The following ARSJ variants were observed in gnomAD, a reference collection of about 807,000 sequenced individuals.
The protein encoded by ARSJ is arylsulfatase family member J.
In ARSJ, 26 loss-of-function variants were observed where a neutral mutation model predicts 35.9. The observed-to-expected ratio is 0.72, with a 90% confidence interval of 0.53 to 1.00. The LOEUF (loss-of-function observed/expected upper bound fraction) is 1.00, where lower values mean the gene tolerates loss of function less well. Ranked by LOEUF, ARSJ falls within the 50% of genes least tolerant of loss-of-function variation. The pLI, the probability that ARSJ is intolerant of heterozygous loss-of-function variation, is 0.00. For synonymous variants in ARSJ, 294 were observed against 267.6 expected (o/e 1.10, Z -0.96); for missense variants, 667 against 723.6 (o/e 0.92, Z 0.90).
chr4:113,920,693 C>T (rs139033695), intron 1 of ARSJ, among the ~76,000 whole-genome samples: 316 of 152,172 alleles, frequency 2.1e-3, no homozygotes, highest in African/African-American at 7.1e-3. Flanking sequence ...AAGTGTGGCA[C>T]GTAGTTATTA....
intron 1 of ARSJ, among the ~76,000 whole-genome samples, chr4:113,922,423 T>G (rs1012782943): frequency 6.6e-6 from 1 of 152,224 alleles, no homozygotes; most frequent in African/African-American, 2.4e-5. Context: ...CATGTTTAAT[T>G]ATGAAATGTG....
intron 1 of ARSJ, among the ~76,000 whole-genome samples, chr4:113,969,005 G>A (rs1268850598): frequency 6.6e-6 from 1 of 152,168 alleles, no homozygotes; most frequent in African/African-American, 2.4e-5. Flanking sequence ...GGAATTCAAA[G>A]CTGGATAAGA....
intron 1 of ARSJ, among the ~76,000 whole-genome samples, chr4:113,907,529 A>T (rs540187959): frequency 1.8e-4 from 27 of 151,788 alleles, no homozygotes; most frequent in African/African-American, 3.1e-4. Flanking sequence ...TAATATGAAA[A>T]TTTTTTTTAC....
chr4:113,911,783 T>C (rs2099670543), intron 1 of ARSJ, among the ~76,000 whole-genome samples: 1 of 152,048 alleles, frequency 6.6e-6, no homozygotes, highest in Non-Finnish European at 1.5e-5. Flanking sequence ...TAAAGTAAAA[T>C]AAATATTTGA....
intron 1 of ARSJ, among the ~76,000 whole-genome samples, chr4:113,907,517 T>C (rs1362121093): frequency 8.8e-6 from 1 of 113,864 alleles, no homozygotes; most frequent in African/African-American, 2.7e-5. Context: ...TGAAAGTGAA[T>C]ATAATATGAA....
At chr4:113,932,067 C>T (rs1219051180) in intron 1 of ARSJ, among the ~76,000 whole-genome samples, 3 of 151,996 alleles carry the variant, frequency 2.0e-5, no homozygotes, top group Non-Finnish European at 4.4e-5. Context: ...ACTTTCTATA[C>T]TTATATCAGA....
chr4:113,940,733 T>C (rs1328691749), intron 1 of ARSJ, among the ~76,000 whole-genome samples: 1 of 152,008 alleles, frequency 6.6e-6, no homozygotes, highest in East Asian at 1.9e-4. Flanking sequence ...TAAAACTATG[T>C]CTAGAACTGG....
At chr4:113,950,316 A>C (rs951936235) in intron 1 of ARSJ, among the ~76,000 whole-genome samples, 2 of 152,032 alleles carry the variant, frequency 1.3e-5, no homozygotes, top group African/African-American at 4.8e-5. Flanking sequence ...TGCTCCCCTA[A>C]TACCTGCCTC....
chr4:113,936,396 T>G (rs1193533484), intron 1 of ARSJ, among the ~76,000 whole-genome samples: 1 of 152,028 alleles, frequency 6.6e-6, no homozygotes, highest in East Asian at 1.9e-4. Flanking sequence ...AATTATAGAT[T>G]TTGTTTATAA....
intron 1 of ARSJ, among the ~76,000 whole-genome samples, chr4:113,912,086 T>C (rs962586840): frequency 6.6e-5 from 10 of 152,212 alleles, no homozygotes; most frequent in Non-Finnish European, 1.5e-4. Flanking sequence ...GCAGTTAATT[T>C]AATTATGAAA....
intron 1 of ARSJ, among the ~76,000 whole-genome samples, chr4:113,908,482 G>A (rs1055547536): frequency 3.3e-5 from 5 of 152,090 alleles, no homozygotes; most frequent in Admixed American, 6.5e-5. Context: ...TTTTTTACAC[G>A]TCAGCTATAT....
At chr4:113,926,363 C>G (rs762902538) in intron 1 of ARSJ, among the ~76,000 whole-genome samples, 1 of 152,190 alleles carries the variant, frequency 6.6e-6, no homozygotes. Flanking sequence ...CAAATTTCTG[C>G]CCACTGGAAG....
intron 1 of ARSJ, among the ~76,000 whole-genome samples, chr4:113,917,702 A>G (rs1418912699): frequency 3.3e-5 from 5 of 152,144 alleles, no homozygotes; most frequent in African/African-American, 7.2e-5. Context: ...TGAATCTTCA[A>G]TATGATTCTT....
chr4:113,955,882 T>C (rs748141214), intron 1 of ARSJ, among the ~76,000 whole-genome samples: 5 of 152,136 alleles, frequency 3.3e-5, no homozygotes, highest in Non-Finnish European at 7.4e-5. Flanking sequence ...CAATGTAATT[T>C]TTAGAAAATG....
At chr4:113,954,175 A>G (rs1374171419) in intron 1 of ARSJ, among the ~76,000 whole-genome samples, 1 of 152,032 alleles carries the variant, frequency 6.6e-6, no homozygotes, top group Non-Finnish European at 1.5e-5. Flanking sequence ...TATCCATTAC[A>G]TATCTCAATG....
rs532902634 is a variant in ARSJ, at chr4:113,965,547, A to G, written c.398+12890T>C. On this transcript the variant is annotated intron_variant, in intron 1 of 1. Coordinates refer to ENST00000315366, the MANE Select transcript of ARSJ (RefSeq NM_024590.4). ...ACTCTAGAGTTACAAGACTTGGAGA[A>G]TATATAAAAGAGATACAGATATAGA... Among the ~76,000 whole-genome samples the G allele has an allele frequency of 1.6e-4, 25 of 152,230 alleles. 1 individual carries two copies. Among genetic ancestry groups the G allele is most frequent in the Middle Eastern group, 3.4e-3 (1 of 294 alleles).
intron 1 of ARSJ, among the ~76,000 whole-genome samples, chr4:113,912,637 T>C (rs1439535547): frequency 6.6e-6 from 1 of 152,086 alleles, no homozygotes; most frequent in East Asian, 1.9e-4. Flanking sequence ...ATGTATAGGT[T>C]CCATGAGGGC....
intron 1 of ARSJ, among the ~76,000 whole-genome samples, chr4:113,964,856 TC>T (rs1453799258): frequency 1.3e-5 from 2 of 152,084 alleles, no homozygotes; most frequent in Non-Finnish European, 2.9e-5. Context: ...TTTAACAAGT[TC>T]TCTGAGTAAT....
rs758245066 is a variant in ARSJ, at chr4:113,903,488, AG to A, written c.585del (p.Phe197LeufsTer54). 1.9e-6 allele frequency: 3 copies of A among 1,614,226 alleles called. No individual in the cohort carries two copies. The highest frequency in any genetic ancestry group is 2.5e-6 in the Non-Finnish European group (3 of 1,180,030). On this transcript the variant is annotated frameshift_variant, in exon 2 of 2. Transcript: ENST00000315366. LOFTEE classifies it high-confidence loss of function. The part of the protein sequence containing the change: ...ECMPTRRGFD[T>X]FFGSLLGSGD... ...CCACTTCCCAAAAGGGAACCAAAAA[AG>A]GTATCAAATCCTCTTCTGGTGGGCA...
Sources: gnomAD v4.1 joint callset for allele counts (sites outside exome capture counted in the v4.1 genomes callset) on GRCh38, gnomAD v4.1.1 for gene constraint, MANE v1.5 for transcripts, NCBI Gene and HGNC (gene_info 2026-07-23, HGNC 2026-07-21) for gene names.